Variants in SLC45A4 observed in about 807,000 individuals in gnomAD.
SLC45A4 encodes solute carrier family 45 member 4.
SLC45A4 carries 32 observed loss-of-function variants against 63.7 expected under a neutral mutation model. The observed-to-expected ratio is 0.50, with a 90% CI of 0.38 to 0.67. The LOEUF is 0.67. Ranked by LOEUF, SLC45A4 falls within the 30% of genes least tolerant of loss-of-function variation. The probability of loss-of-function intolerance (pLI) is 0.00; values close to 1 mark genes in which losing one functional copy is unlikely to be tolerated. For missense variants in SLC45A4, 1,027 were observed against 1,157.7 expected (o/e 0.89, Z 1.64); for synonymous variants, 535 against 510.0 (o/e 1.05, Z -0.66).
intron 1 of SLC45A4, among the ~76,000 whole-genome samples, chr8:141,295,083 T>G (rs1242382828): frequency 6.6e-6 from 1 of 152,078 alleles, no homozygotes. Flanking sequence ...CAGAGGGGTG[T>G]GGACATTCCA....
intron 2 of SLC45A4, among the ~76,000 whole-genome samples, chr8:141,228,951 C>A (rs1429733070): frequency 1.3e-5 from 2 of 152,142 alleles, no homozygotes; most frequent in Admixed American, 6.5e-5. Flanking sequence ...GGCACCAACA[C>A]CACCCGCCCC....
rs1826114403 is a variant in SLC45A4 at position 141,215,871 on chromosome 8, A to G, written c.1829T>C (p.Met610Thr). 3.1e-6 allele frequency: 5 copies of G among 1,614,160 alleles called. No homozygotes were observed. The highest frequency in any genetic ancestry group is 3.4e-6 in the Non-Finnish European group (4 of 1,180,026). ...GFSVGTAVMAMFPNVYVAMVT... is the reference protein window; with the variant it reads ...GFSVGTAVMATFPNVYVAMVT... The stretch of plus-strand genomic sequence containing the variant: ...CATGGCGACGTAGACGTTGGGAAAC[A>G]TGGCCATCACGGCTGTGCCGACAGA... The change falls in exon 7 of 9, where the codon ATG becomes ACG. Residue 610 changes from methionine to threonine, a missense_variant. Physicochemically the swap from Met to Thr is moderately conservative, Grantham distance 81. Coordinates refer to ENST00000517878, the MANE Select transcript of SLC45A4 (RefSeq NM_001286646.2). The surrounding 1 kb of genome is among the most constrained non-coding windows in gnomAD (Gnocchi z 4.3).
rs1198744877 is a variant in SLC45A4 at position 141,215,012 on chromosome 8, A to C, written c.1941+747T>G. Among the ~76,000 whole-genome samples, 2 of 152,182 alleles carry C rather than the reference A, an allele frequency of 1.3e-5. No homozygotes were observed. Among genetic ancestry groups the C allele is most frequent in the African/African-American group, 4.8e-5 (2 of 41,446 alleles). On this transcript the variant is annotated intron_variant, in intron 7 of 8. Transcript: ENST00000517878. This position sits in a 1 kb window ranked among gnomAD's most constrained non-coding sequence, Gnocchi z 4.3. ...CCTGTGACGGCCCCAACCTGGAAGC[A>C]CCCAAAGGCTCACAAAGCAGGGTGC...
intron 3 of SLC45A4, among the ~76,000 whole-genome samples, chr8:141,221,165 C>T (rs1257919746): frequency 6.6e-6 from 1 of 152,228 alleles, no homozygotes; most frequent in African/African-American, 2.4e-5. Flanking sequence ...AACTATTTTC[C>T]CACACAGAGT....
intron 4 of SLC45A4, 31 bp from the exon 5 acceptor site, chr8:141,219,060 C>T (rs746694932): frequency 1.6e-5 from 25 of 1,588,992 alleles, no homozygotes; most frequent in South Asian, 1.0e-4. Context: ...GCCGGTGAGC[C>T]GGTGGCACCA....
intron 6 of SLC45A4, among the ~76,000 whole-genome samples, chr8:141,216,815 C>T (rs1299768916): frequency 1.3e-5 from 2 of 152,208 alleles, no homozygotes; most frequent in Non-Finnish European, 2.9e-5. Context: ...GCACCATTGA[C>T]GTGGGACAGC....
intron 1 of SLC45A4, among the ~76,000 whole-genome samples, chr8:141,275,139 C>T (rs1222156405): frequency 6.6e-6 from 1 of 152,210 alleles, no homozygotes; most frequent in East Asian, 1.9e-4. Flanking sequence ...GAGGAGTTAT[C>T]CCATAACCTC....
At chr8:141,263,784 TAAA>T (rs1554598311) in intron 1 of SLC45A4, among the ~76,000 whole-genome samples, 46 of 107,200 alleles carry the variant, frequency 4.3e-4, no homozygotes, top group African/African-American at 6.8e-4. Context: ...AAAAAAAAAA[TAAA>T]AATAATAATA....
At chr8:141,262,451 T>C (rs1333071240) in intron 1 of SLC45A4, among the ~76,000 whole-genome samples, 3 of 149,250 alleles carry the variant, frequency 2.0e-5, no homozygotes, top group African/African-American at 7.4e-5. Flanking sequence ...TGGGAGAAAA[T>C]TTTCACAACC....
At chr8:141,216,202 C>T (rs1006018485) in intron 6 of SLC45A4, among the ~76,000 whole-genome samples, 7 of 152,316 alleles carry the variant, frequency 4.6e-5, no homozygotes, top group African/African-American at 1.7e-4. Flanking sequence ...AATTGGCCCT[C>T]CTTGTCCCAG....
intron 2 of SLC45A4, among the ~76,000 whole-genome samples, chr8:141,237,296 C>T (rs1827678675): frequency 6.6e-6 from 1 of 152,140 alleles, no homozygotes; most frequent in Admixed American, 6.5e-5. Flanking sequence ...GCCTGAAACA[C>T]CACTCTGCAC....
At chr8:141,242,777 C>T (rs560005342) in intron 2 of SLC45A4, among the ~76,000 whole-genome samples, 5 of 152,264 alleles carry the variant, frequency 3.3e-5, no homozygotes, top group East Asian at 3.9e-4. Context: ...TGCACAGGCC[C>T]GAGACTGGAG....
chr8:141,269,791 G>C (rs1829442235), intron 1 of SLC45A4, among the ~76,000 whole-genome samples: 1 of 152,142 alleles, frequency 6.6e-6, no homozygotes, highest in Non-Finnish European at 1.5e-5. Flanking sequence ...GTACATCTGT[G>C]CATGTGTATG....
intron 1 of SLC45A4, among the ~76,000 whole-genome samples, chr8:141,288,406 C>T (rs553929450): frequency 1.3e-5 from 2 of 152,344 alleles, no homozygotes; most frequent in East Asian, 3.9e-4. Context: ...CATCGGTACG[C>T]CACATTTTCA....
At chr8:141,247,802 A>G (rs1206263333) in intron 2 of SLC45A4, among the ~76,000 whole-genome samples, 1 of 152,250 alleles carries the variant, frequency 6.6e-6, no homozygotes, top group Non-Finnish European at 1.5e-5. Flanking sequence ...TCAGGAACAG[A>G]CATATAGATC....
chr8:141,306,849 C>T (rs1830911013), intron 1 of SLC45A4, among the ~76,000 whole-genome samples: 2 of 152,362 alleles, frequency 1.3e-5, no homozygotes, highest in African/African-American at 4.8e-5. Context: ...CAAGAATCAT[C>T]TGACCCCACA....
chr8:141,275,921 T>TC (rs1414019928), intron 1 of SLC45A4, among the ~76,000 whole-genome samples: 1 of 152,046 alleles, frequency 6.6e-6, no homozygotes, highest in Non-Finnish European at 1.5e-5. Context: ...CTTTACTTTT[T>TC]TTTTTTTTTG....
intron 2 of SLC45A4, among the ~76,000 whole-genome samples, chr8:141,249,017 T>TA (rs34897440): frequency 0.043 from 5,154 of 119,244 alleles, 311 homozygotes; most frequent in African/African-American, 0.14. Context: ...GACCCCATCT[T>TA]AAAAAAAAAA....
chr8:141,284,200 C>T (rs750780936), intron 1 of SLC45A4, among the ~76,000 whole-genome samples: 5 of 152,216 alleles, frequency 3.3e-5, no homozygotes, highest in Non-Finnish European at 5.9e-5. Flanking sequence ...TGTCCACCGT[C>T]AAGTCATGAA....
Sources: gnomAD v4.1 joint callset for allele counts (sites outside exome capture counted in the v4.1 genomes callset) on GRCh38, gnomAD v4.1.1 for gene constraint, Gnocchi (gnomAD v3.1) non-coding constraint, MANE v1.5 for transcripts, NCBI Gene and HGNC (gene_info 2026-07-23, HGNC 2026-07-21) for gene names.